Variants in SUZ12 observed in about 807,000 individuals in gnomAD.
The protein encoded by SUZ12 is SUZ12 polycomb repressive complex 2 subunit, also known as polycomb protein SUZ12.
Under a neutral mutation model 87.3 loss-of-function variants are expected in SUZ12, and 17 were observed. That is an observed-to-expected ratio of 0.19 (90% CI 0.13 to 0.29). The LOEUF (loss-of-function observed/expected upper bound fraction) is 0.29, where lower values mean the gene tolerates loss of function less well. Among genes scored for constraint, SUZ12 ranks in the 10% least tolerant of loss-of-function variants. The pLI is 1.00. For synonymous variants in SUZ12, 253 were observed against 312.4 expected (o/e 0.81, Z 2.01); for missense variants, 526 against 912.2 (o/e 0.58, Z 5.45).
chr17:31,971,290 G>A (rs558046277), intron 5 of SUZ12, among the ~76,000 whole-genome samples: 10 of 152,038 alleles, frequency 6.6e-5, no homozygotes, highest in Admixed American at 5.9e-4. Context: ...AGTTGTCTCT[G>A]TGCATTCATA....
chr17:31,961,212 CA>C lies in SUZ12; in HGVS notation c.456-4921del, dbSNP rs764900871. 7.6e-3 allele frequency among the ~76,000 whole-genome samples: 1,029 copies of C among 135,778 alleles called. 7 individuals carry two copies. The highest frequency in any genetic ancestry group is 0.024 in the African/African-American group (875 of 36,590). 89.1% of individuals were successfully genotyped at this position (135,778 alleles called of 152,430 possible). A position where few individuals can be genotyped will look rare whatever the true frequency, so the allele number is the denominator to read the frequency against. ...TGGGTGACAGAGCGAGACTCCGTCT[CA>C]AAAAAAAAAAAAATTCTTTCTCACA... On this transcript the variant is annotated intron_variant, in intron 4 of 15. Transcript: ENST00000322652.
At chr17:31,997,716 G>A (rs903657798) in intron 15 of SUZ12, among the ~76,000 whole-genome samples, 1 of 150,890 alleles carries the variant, frequency 6.6e-6, no homozygotes, top group African/African-American at 2.4e-5. Flanking sequence ...CACGACCAGG[G>A]AGCAGCAGAA....
At chr17:31,970,058 C>T (rs539894982) in intron 5 of SUZ12, among the ~76,000 whole-genome samples, 8 of 152,254 alleles carry the variant, frequency 5.3e-5, no homozygotes, top group Non-Finnish European at 1.0e-4. Context: ...GCTAGGATTA[C>T]AGGCATGAGC....
chr17:31,999,872 A>AT lies in SUZ12; in HGVS notation c.*873dup, dbSNP rs1910172329. Reference sequence around the variant, plus strand: ...AAACCAAGGAAAGAACGCATTTGAGATTTTAAGATGTCACTTATAAGGGGA... The same window carrying AT: ...AAACCAAGGAAAGAACGCATTTGAGATTTTTAAGATGTCACTTATAAGGGGA... On this transcript the variant is annotated 3_prime_UTR_variant, in exon 16 of 16. Transcript: ENST00000322652. 4.3e-6 allele frequency: 1 copy of AT among 232,616 alleles called. No homozygotes were observed. Among genetic ancestry groups the AT allele is most frequent in the Non-Finnish European group, 8.5e-6 (1 of 117,788 alleles). The allele number at this position is 232,616 out of a possible 1,614,324, so 14.4% of individuals were successfully genotyped here. A position where few individuals can be genotyped will look rare whatever the true frequency, so the allele number is the denominator to read the frequency against.
At chr17:31,951,001 C>T (rs1190256994) in intron 4 of SUZ12, among the ~76,000 whole-genome samples, 3 of 152,034 alleles carry the variant, frequency 2.0e-5, no homozygotes, top group African/African-American at 4.8e-5. Flanking sequence ...AGGATGGTCT[C>T]GATCTCCTGA....
At chr17:31,985,814 C>T (rs1909377950) in intron 9 of SUZ12, among the ~76,000 whole-genome samples, 1 of 152,006 alleles carries the variant, frequency 6.6e-6, no homozygotes, top group African/African-American at 2.4e-5. Flanking sequence ...AGGTGTGCAC[C>T]ACCATGCCCA....
At chr17:31,940,024 A>G (rs1355919894) in intron 1 of SUZ12, among the ~76,000 whole-genome samples, 1 of 152,218 alleles carries the variant, frequency 6.6e-6, no homozygotes, top group Non-Finnish European at 1.5e-5. Flanking sequence ...AACAATAACT[A>G]TCTTAGAAAG....
At chr17:31,989,406 G>T (rs1300351928) in intron 10 of SUZ12, among the ~76,000 whole-genome samples, 1 of 152,082 alleles carries the variant, frequency 6.6e-6, no homozygotes, top group Non-Finnish European at 1.5e-5. Flanking sequence ...ATTGAAGCGT[G>T]ATATGGTACA....
rs1389640003 is a variant in SUZ12, at chr17:31,995,777, CT to C, written c.1794+18del. 1 of 1,555,196 alleles carries C rather than the reference CT, an allele frequency of 6.4e-7. No homozygotes were observed. The highest frequency in any genetic ancestry group is 8.8e-7 in the Non-Finnish European group (1 of 1,135,368). Reference sequence around the variant, plus strand: ...AAACCATTACAGTAATTATTATTATCTTTATTGGCAATTATCTTGGAATATT... The same window carrying C: ...AAACCATTACAGTAATTATTATTATCTTATTGGCAATTATCTTGGAATATT... On this transcript the variant is annotated intron_variant, in intron 14 of 15. Coordinates refer to ENST00000322652, the MANE Select transcript of SUZ12 (RefSeq NM_015355.4).
At chr17:31,944,836 A>T (rs1906523596) in intron 3 of SUZ12, among the ~76,000 whole-genome samples, 1 of 152,112 alleles carries the variant, frequency 6.6e-6, no homozygotes, top group African/African-American at 2.4e-5. Context: ...GTATCAAGTG[A>T]ACAAGTTTAC....
intron 7 of SUZ12, 69 bp from the exon 8 acceptor site, chr17:31,976,452 A>C (rs868215465): frequency 7.9e-7 from 1 of 1,265,654 alleles, no homozygotes; most frequent in African/African-American, 1.5e-5. Context: ...GTTTTATGTT[A>C]AGGGACCATA....
At chr17:31,990,299 A>G (rs1294252741) in intron 10 of SUZ12, among the ~76,000 whole-genome samples, 2 of 150,866 alleles carry the variant, frequency 1.3e-5, no homozygotes, top group East Asian at 2.0e-4. Flanking sequence ...TTTAGTAGAG[A>G]TGGGGTTTCA....
rs1461901454 is a variant in SUZ12, at chr17:31,964,896, C to T, written c.456-1251C>T. On this transcript the variant is annotated intron_variant, in intron 4 of 15. Coordinates refer to ENST00000322652, the MANE Select transcript of SUZ12 (RefSeq NM_015355.4). ...ACTTGGGAGGCTGAGGCAGGAGAAT[C>T]GCTTGAACTCGGGAGGCGGAGGTTG... Among the ~76,000 whole-genome samples the T allele has an allele frequency of 5.3e-5, 8 of 152,052 alleles. No individual in the cohort carries two copies. The East Asian group carries it at 1.4e-3, about 26-fold the overall frequency.
rs1367237499 is a variant in SUZ12 at position 31,996,833 on chromosome 17, G to A, written c.1830G>A (p.Glu610=). The A allele has an allele frequency of 1.9e-6, 3 of 1,549,558 alleles. No individual in the cohort carries two copies. The Admixed American group carries it at 6.7e-5, about 35-fold the overall frequency. The change falls in exon 15 of 16, where the codon GAG becomes GAA. Residue 610 remains glutamate (E), a synonymous_variant. Coordinates refer to ENST00000322652, the MANE Select transcript of SUZ12 (RefSeq NM_015355.4). Reference sequence around the variant, plus strand: ...AGTTTTCTGATGTTAATGAAGGAGAGAAAGAAGTGATGAAACTCTGGAATC... The same window carrying A: ...AGTTTTCTGATGTTAATGAAGGAGAAAAAGAAGTGATGAAACTCTGGAATC... ...IEEFSDVNEG[E]KEVMKLWNLH...
rs112656412 is a variant in SUZ12, at chr17:31,994,827, A to T, written c.1595+106A>T. The T allele has an allele frequency of 4.1e-6, 5 of 1,214,160 alleles. No homozygotes were observed. In the African/African-American group the frequency reaches 4.6e-5, roughly 11 times the overall value. The allele number at this position is 1,214,160 out of a possible 1,614,324, so 75.2% of individuals were successfully genotyped here. A position where few individuals can be genotyped will look rare whatever the true frequency, so the allele number is the denominator to read the frequency against. ...ACTAGTTCGTTAGGTGGAAATTATT[A>T]TTTTTCAGTATTAGGTGTCTATGGG... On this transcript the variant is annotated intron_variant, in intron 13 of 15. Coordinates refer to ENST00000322652, the MANE Select transcript of SUZ12 (RefSeq NM_015355.4).
At position 31,993,872 on chromosome 17, in the gene SUZ12, A is replaced by G; in HGVS notation, c.1301A>G (p.Tyr434Cys). ...TTTTTTAATTGTTTTTAGTTTCTCT[A>G]TAACAACAATACAAGGCAACAAACT... ...QKLRIFYQFL[Y>C]NNNTRQQTEA... Residue 434 changes from tyrosine to cysteine, a missense_variant, in exon 12 of 16, where the codon TAT (tyrosine) becomes TGT (cysteine). Transcript: ENST00000322652. The G allele has an allele frequency of 6.2e-7, 1 of 1,602,134 alleles. No individual in the cohort carries two copies. Among genetic ancestry groups the G allele is most frequent in the Non-Finnish European group, 8.5e-7 (1 of 1,176,642 alleles).
Position 32,000,531 on chromosome 17 carries a change from T to C in SUZ12, c.*1528T>C, listed in dbSNP as rs909564900. ...ATTACAGATTCCTTGATTGGTAAGC[T>C]CTCCAAATGATGAGTTCTAGTAAAC... On this transcript the variant is annotated 3_prime_UTR_variant, in exon 16 of 16. Coordinates refer to ENST00000322652, the MANE Select transcript of SUZ12 (RefSeq NM_015355.4). The C allele has an allele frequency of 2.2e-5, 5 of 232,184 alleles. No individual in the cohort carries two copies. Among genetic ancestry groups the C allele is most frequent in the African/African-American group, 1.1e-4 (5 of 45,168 alleles). 14.4% of individuals were successfully genotyped at this position (232,184 alleles called of 1,614,324 possible).
intron 11 of SUZ12, 148 bp from the exon 12 acceptor site, chr17:31,993,717 G>A (rs1909836032): frequency 2.1e-5 from 17 of 819,088 alleles, no homozygotes; most frequent in Admixed American, 6.0e-5. Flanking sequence ...GAGTGACCTC[G>A]CGTCACTGGG....
intron 5 of SUZ12, among the ~76,000 whole-genome samples, chr17:31,969,516 A>T (rs1908291841): frequency 6.6e-6 from 1 of 151,850 alleles, no homozygotes; most frequent in Admixed American, 6.6e-5. Context: ...TCTGGACTCA[A>T]ACTCCTGGCC....
Sources: gnomAD v4.1 joint callset for allele counts (sites outside exome capture counted in the v4.1 genomes callset) on GRCh38, gnomAD v4.1.1 for gene constraint, MANE v1.5 for transcripts, NCBI Gene and HGNC (gene_info 2026-07-23, HGNC 2026-07-21) for gene names.